Variants in WDR7 observed in about 807,000 individuals in gnomAD.
WDR7 encodes the protein WD repeat-containing protein 7.
WDR7 carries 46 observed loss-of-function variants against 169.4 expected under a neutral mutation model. The observed-to-expected ratio is 0.27, with a 90% CI of 0.21 to 0.35. The LOEUF is 0.35. Among genes scored for constraint, WDR7 ranks in the 10% least tolerant of loss-of-function variants. The probability of loss-of-function intolerance (pLI) is 1.00; values close to 1 mark genes in which losing one functional copy is unlikely to be tolerated. For synonymous variants in WDR7, 612 were observed against 666.8 expected, an observed-to-expected ratio of 0.92 and a Z score of 1.27; for missense variants, 1,534 against 1,859.3, an observed-to-expected ratio of 0.83 and a Z score of 3.22.
chr18:56,814,597 T>C (rs904624916), intron 19 of WDR7, among the ~76,000 whole-genome samples: 10 of 152,054 alleles, frequency 6.6e-5, no homozygotes, highest in Non-Finnish European at 1.2e-4. Context: ...TGAGTACAGA[T>C]GGACACAAAG....
chr18:56,771,610 G>A (rs543901966), intron 16 of WDR7, among the ~76,000 whole-genome samples: 2 of 145,750 alleles, frequency 1.4e-5, no homozygotes, highest in South Asian at 2.2e-4. Flanking sequence ...GGCCGGGCAC[G>A]GTGGTTCATG....
At chr18:56,829,784 G>T (rs2045276507) in intron 20 of WDR7, among the ~76,000 whole-genome samples, 1 of 152,218 alleles carries the variant, frequency 6.6e-6, no homozygotes, top group Non-Finnish European at 1.5e-5. Context: ...ACAGGAGGAA[G>T]AAGGCAGGAG....
chr18:56,896,856 A>C (rs540654720), intron 21 of WDR7, among the ~76,000 whole-genome samples: 73 of 151,988 alleles, frequency 4.8e-4, no homozygotes, highest in African/African-American at 1.7e-3. Flanking sequence ...ACTTTTCTTC[A>C]TCAAAAATAC....
At chr18:57,026,346 A>G (rs1759023504) in intron 27 of WDR7, among the ~76,000 whole-genome samples, 1 of 152,190 alleles carries the variant, frequency 6.6e-6, no homozygotes, top group Non-Finnish European at 1.5e-5. Context: ...TTAACAGCAG[A>G]CTCTCCTTAG....
chr18:56,838,509 A>C (rs925919863), intron 20 of WDR7, among the ~76,000 whole-genome samples: 7 of 152,198 alleles, frequency 4.6e-5, no homozygotes, highest in African/African-American at 1.7e-4. Context: ...TGTACATTTT[A>C]TATCTATTTA....
At chr18:56,868,312 A>G (rs2045909771) in intron 20 of WDR7, among the ~76,000 whole-genome samples, 1 of 152,188 alleles carries the variant, frequency 6.6e-6, no homozygotes, top group Admixed American at 6.5e-5. Flanking sequence ...TTATAAATGA[A>G]CAGATGTACT....
intron 13 of WDR7, among the ~76,000 whole-genome samples, chr18:56,726,489 T>A (rs932635342): frequency 9.2e-5 from 14 of 152,226 alleles, no homozygotes; most frequent in African/African-American, 3.4e-4. Flanking sequence ...CTGTGATTTT[T>A]GCACATTGAT....
chr18:56,861,171 G>C (rs2045799781), intron 20 of WDR7, among the ~76,000 whole-genome samples: 1 of 152,060 alleles, frequency 6.6e-6, no homozygotes, highest in Non-Finnish European at 1.5e-5. Flanking sequence ...TAAATAAATA[G>C]ATCATCTAAG....
At chr18:56,712,669 G>A (rs1178301631) in intron 12 of WDR7, among the ~76,000 whole-genome samples, 1 of 152,192 alleles carries the variant, frequency 6.6e-6, no homozygotes, top group East Asian at 1.9e-4. Context: ...GCTTTCACCT[G>A]TAAAATACTA....
intron 26 of WDR7, among the ~76,000 whole-genome samples, chr18:57,007,537 G>T (rs901530580): frequency 1.3e-5 from 2 of 152,080 alleles, no homozygotes; most frequent in Admixed American, 6.5e-5. Context: ...TTGATTTTCT[G>T]ATCTCTGAGT....
intron 26 of WDR7, among the ~76,000 whole-genome samples, chr18:56,977,076 A>G (rs1199765292): frequency 6.6e-6 from 1 of 152,200 alleles, no homozygotes; most frequent in African/African-American, 2.4e-5. Flanking sequence ...TGCCTGTAAA[A>G]TAGGAATAAT....
chr18:56,974,237 A>G (rs1225778250), intron 26 of WDR7, among the ~76,000 whole-genome samples: 2 of 152,102 alleles, frequency 1.3e-5, no homozygotes, highest in African/African-American at 4.8e-5. Flanking sequence ...TATTGTATGA[A>G]TTATATATCC....
intron 26 of WDR7, among the ~76,000 whole-genome samples, chr18:56,991,387 C>A (rs531543722): frequency 1.3e-5 from 2 of 152,020 alleles, no homozygotes; most frequent in African/African-American, 2.4e-5. Flanking sequence ...CCTCGTGATC[C>A]GCCTGCCTTG....
At chr18:56,937,042 A>G (rs2046969984) in intron 23 of WDR7, among the ~76,000 whole-genome samples, 2 of 152,180 alleles carry the variant, frequency 1.3e-5, no homozygotes, top group South Asian at 4.1e-4. Context: ...TATTGAATAT[A>G]GTGAATAAGC....
intron 18 of WDR7, among the ~76,000 whole-genome samples, chr18:56,781,218 C>G (rs1202938717): frequency 6.6e-6 from 1 of 152,038 alleles, no homozygotes; most frequent in African/African-American, 2.4e-5. Context: ...CATTAAAGTT[C>G]AAAAATGCTT....
chr18:56,731,611 G>A lies in WDR7; in HGVS notation c.1989+14G>A, dbSNP rs1432797409. ...GCATCTGACAAGGTAAGTTTTATAT[G>A]TGGGCCCATGAAGTGTGTAGACCCC... On this transcript the variant is annotated intron_variant, in intron 14 of 27. Coordinates refer to ENST00000254442, the MANE Select transcript of WDR7 (RefSeq NM_015285.3). The A allele has an allele frequency of 2.5e-6, 4 of 1,611,796 alleles. No homozygotes were observed. Among genetic ancestry groups the A allele is most frequent in the South Asian group, 2.2e-5 (2 of 90,974 alleles).
rs143934977 is a variant in WDR7, at chr18:57,015,832, C to T, written c.4165-4913C>T. On this transcript the variant is annotated intron_variant, in intron 26 of 27. Transcript: ENST00000254442. ...GGTATTTGCAGGTCTTTGGTATTGC[C>T]TCTCCTTTTGAGAGTTCTTCCTCAC... Among the ~76,000 whole-genome samples the T allele has an allele frequency of 9.2e-5, 14 of 152,328 alleles. No individual in the cohort carries two copies. The East Asian group carries it at 2.7e-3, about 29-fold the overall frequency.
At chr18:56,666,721 G>A (rs1482581959) in intron 1 of WDR7, among the ~76,000 whole-genome samples, 1 of 152,170 alleles carries the variant, frequency 6.6e-6, no homozygotes, top group Non-Finnish European at 1.5e-5. Context: ...ATATAGGAGA[G>A]TGAAAAGTGT....
At chr18:56,746,307 A>G (rs1233112697) in intron 14 of WDR7, among the ~76,000 whole-genome samples, 1 of 152,206 alleles carries the variant, frequency 6.6e-6, no homozygotes, top group African/African-American at 2.4e-5. Context: ...CACCTCAATC[A>G]CAATCACACT....
Sources: gnomAD v4.1 joint callset for allele counts (sites outside exome capture counted in the v4.1 genomes callset) on GRCh38, gnomAD v4.1.1 for gene constraint, MANE v1.5 for transcripts, NCBI Gene and HGNC (gene_info 2026-07-23, HGNC 2026-07-21) for gene names.